Variants in GMEB1 observed in about 807,000 individuals in gnomAD.
The protein encoded by GMEB1 is glucocorticoid modulatory element binding protein 1, also known as glucocorticoid modulatory element-binding protein 1.
In GMEB1, 6 loss-of-function variants were observed where a neutral mutation model predicts 52.4. That is an observed-to-expected ratio of 0.11 (90% CI 0.06 to 0.23). GMEB1 has a LOEUF of 0.23. Ranked by LOEUF, GMEB1 falls within the 10% of genes least tolerant of loss-of-function variation. The pLI, the probability that GMEB1 is intolerant of heterozygous loss-of-function variation, is 1.00. For missense variants in GMEB1, 486 were observed against 685.6 expected, an observed-to-expected ratio of 0.71 and a Z score of 3.25; for synonymous variants, 255 against 244.9, an observed-to-expected ratio of 1.04 and a Z score of -0.38.
chr1:28,699,237 G>A (rs1160308373), intron 6 of GMEB1, among the ~76,000 whole-genome samples: 1 of 152,054 alleles, frequency 6.6e-6, no homozygotes, highest in African/African-American at 2.4e-5. Flanking sequence ...TGGTACTAGG[G>A]CTCCTTACCA....
intron 2 of GMEB1, among the ~76,000 whole-genome samples, chr1:28,684,190 TC>T (rs1373277958): frequency 2.6e-5 from 4 of 152,116 alleles, no homozygotes; most frequent in African/African-American, 9.7e-5. Context: ...TGTTCTTTTT[TC>T]TTTTTTTATT....
chr1:28,694,518 GA>G (rs35909571), intron 5 of GMEB1, among the ~76,000 whole-genome samples: 54,546 of 140,020 alleles, frequency 0.39, 11,601 homozygotes, highest in East Asian at 0.77. Context: ...AAGAGCAATT[GA>G]AAAAAAAAAA....
intron 5 of GMEB1, 126 bp downstream of exon 5, chr1:28,693,171 T>C: frequency 2.3e-6 from 1 of 435,020 alleles, no homozygotes; most frequent in Non-Finnish European, 4.2e-6. Flanking sequence ...GAGCAATCCG[T>C]GCATTATTTG....
chr1:28,670,153 T>TTTTATTTATTTA (rs71027286), intron 1 of GMEB1, among the ~76,000 whole-genome samples: 37,523 of 150,680 alleles, frequency 0.25, 5,633 homozygotes, highest in Admixed American at 0.37. Flanking sequence ...TGGGGACCCT[T>TTTTATTTATTTA]TTTATTTATT....
At position 28,683,743 on chromosome 1, in the gene GMEB1, A is replaced by G; in HGVS notation, c.128+3A>G. ...CAGTTACAGCCTGTGCAACAAGGGT[A>G]AGTGGCTAGAGATTTGGGTATTCTG... On this transcript the variant is annotated splice_donor_region_variant and intron_variant, in intron 2 of 9. Transcript: ENST00000373816. 1 of 1,612,624 alleles carries G rather than the reference A, an allele frequency of 6.2e-7. No homozygotes were observed. Among genetic ancestry groups the G allele is most frequent in the Non-Finnish European group, 8.5e-7 (1 of 1,179,460 alleles).
chr1:28,699,550 C>A (rs548136625), intron 6 of GMEB1, among the ~76,000 whole-genome samples: 8 of 152,082 alleles, frequency 5.3e-5, no homozygotes, highest in Admixed American at 5.2e-4. Context: ...CTGCCTCAGC[C>A]TCCCGTGTAG....
chr1:28,708,630 T>G (rs1436089688), intron 8 of GMEB1, among the ~76,000 whole-genome samples: 1 of 151,600 alleles, frequency 6.6e-6, no homozygotes, highest in African/African-American at 2.4e-5. Context: ...CCTGGCCAAT[T>G]TTTTGTATTT....
At chr1:28,681,764 A>T (rs777455794) in intron 1 of GMEB1, among the ~76,000 whole-genome samples, 3 of 151,336 alleles carry the variant, frequency 2.0e-5, no homozygotes, top group Non-Finnish European at 2.9e-5. Flanking sequence ...GTGCAATGGC[A>T]TGATCTCGGC....
rs202064994 is a variant in GMEB1 at position 28,702,529 on chromosome 1, C to T, written c.690C>T (p.Ala230=). 1.7e-5 allele frequency: 28 copies of T among 1,613,564 alleles called. No individual in the cohort carries two copies. The Middle Eastern group carries it at 4.9e-4, about 28-fold the overall frequency. ...CTCTCACCGCTGCTGTCACCATGGC[C>T]ACGGAGGAGGGTGTAAAGAAAGACT... ...NSALTAAVTM[A]TEEGVKKDSE... The change falls in exon 7 of 10, where the codon GCC becomes GCT. Residue 230 remains alanine, a synonymous_variant. Coordinates refer to ENST00000373816, the MANE Select transcript of GMEB1 (RefSeq NM_001319674.2).
Position 28,686,080 on chromosome 1 carries a change from CCTGTAATCCTAGCA to C in GMEB1, c.128+2343_128+2356del, listed in dbSNP as rs1428140380. On this transcript the variant is annotated intron_variant, in intron 2 of 9. Transcript: ENST00000373816. ...ACTTGGCTGGGTGCAGTGGCTCATGCCTGTAATCCTAGCACTTTAGGAGGCCAAGATGGGAGGAT... is the reference window on the plus strand; with the variant it reads ...ACTTGGCTGGGTGCAGTGGCTCATGCCTTTAGGAGGCCAAGATGGGAGGAT... 2.6e-5 allele frequency among the ~76,000 whole-genome samples: 4 copies of C among 152,272 alleles called. No individual in the cohort carries two copies. In the East Asian group the frequency reaches 5.8e-4, roughly 22 times the overall value.
chr1:28,683,000 TG>T, intron 1 of GMEB1, among the ~76,000 whole-genome samples: 1 of 152,120 alleles, frequency 6.6e-6, no homozygotes, highest in East Asian at 1.9e-4. Context: ...GTGTGCACAA[TG>T]GGTTCTCAGG....
At position 28,714,263 on chromosome 1, in the gene GMEB1, C is replaced by T. The variant is rs746568357; in HGVS notation, c.1182C>T (p.Val394=). ...SPPVQQPQFT[V]ISPITITPVG... is the part of the protein sequence containing the mutation. ...CTGTCCAGCAGCCTCAGTTCACAGT[C>T]ATCTCACCCATCACCATCACCCCAG... Residue 394 remains valine, a synonymous_variant, in exon 10 of 10, where the codon GTC becomes GTT. Transcript: ENST00000373816. 2.7e-5 allele frequency: 43 copies of T among 1,614,106 alleles called. No individual in the cohort carries two copies. The highest frequency in any genetic ancestry group is 6.6e-5 in the South Asian group (6 of 91,088).
At chr1:28,704,522 A>G (rs1182533795) in intron 8 of GMEB1, among the ~76,000 whole-genome samples, 193 bp downstream of exon 8, 2 of 152,168 alleles carry the variant, frequency 1.3e-5, no homozygotes, top group African/African-American at 2.4e-5. Context: ...AGATCTGGCC[A>G]TGCTTTTCCA....
At chr1:28,700,326 C>T (rs953417848) in intron 6 of GMEB1, among the ~76,000 whole-genome samples, 2 of 151,842 alleles carry the variant, frequency 1.3e-5, no homozygotes, top group Admixed American at 1.3e-4. Context: ...TCCTGGCTAG[C>T]ATAGTGAAAC....
chr1:28,677,352 C>A (rs1669205247), intron 1 of GMEB1, among the ~76,000 whole-genome samples: 1 of 151,950 alleles, frequency 6.6e-6, no homozygotes, highest in Non-Finnish European at 1.5e-5. Flanking sequence ...CGCCCATCAC[C>A]ACGTCTGGCT....
At chr1:28,690,063 G>A in intron 2 of GMEB1, 41 bp from the exon 3 acceptor site, 1 of 1,422,822 alleles carries the variant, frequency 7.0e-7, no homozygotes, top group Non-Finnish European at 9.7e-7. Flanking sequence ...ATTTTTTCAT[G>A]ATTTATGTAG....
chr1:28,706,603 CAA>C (rs796827713), intron 8 of GMEB1, among the ~76,000 whole-genome samples: 2 of 96,900 alleles, frequency 2.1e-5, no homozygotes, highest in Admixed American at 1.1e-4. Flanking sequence ...GAGTCCGTCT[CAA>C]AAAAAAAAAA....
In GMEB1 at chr1:28,715,638, A is replaced by G. The variant is rs550249681; in HGVS notation, c.*865A>G. On this transcript the variant is annotated 3_prime_UTR_variant, in exon 10 of 10. Transcript: ENST00000373816. ...AAAAAAAAAAAGTGCTTTGGCAAGT[A>G]TGGGGCAGGGAAATCATCTTACTTC... The G allele has an allele frequency of 6.6e-6, 1 of 150,946 alleles. No individual in the cohort carries two copies. The highest frequency in any genetic ancestry group is 2.0e-4 in the East Asian group (1 of 5,112). The allele number at this position is 150,946 out of a possible 1,614,324, so 9.4% of individuals were successfully genotyped here. A position where few individuals can be genotyped will look rare whatever the true frequency, so the allele number is the denominator to read the frequency against.
intron 9 of GMEB1, among the ~76,000 whole-genome samples, chr1:28,711,280 C>G (rs1671046781): frequency 7.3e-6 from 1 of 137,440 alleles, no homozygotes; most frequent in African/African-American, 2.6e-5. Context: ...GAACGAGACT[C>G]TGTCTCAAAA....
Sources: allele counts gnomAD v4.1 joint callset (sites outside exome capture counted in the v4.1 genomes callset), GRCh38; gene constraint gnomAD v4.1.1; transcripts MANE v1.5; gene names NCBI Gene and HGNC (gene_info 2026-07-23, HGNC 2026-07-21).